Variants in SYCP2 observed in about 807,000 individuals in gnomAD.
SYCP2 encodes the protein synaptonemal complex lateral element protein.
SYCP2 carries 55 observed loss-of-function variants against 211.3 expected under a neutral mutation model. The ratio of observed to expected loss-of-function variants is 0.26; its 90% CI spans 0.21 to 0.33. The LOEUF is 0.33. Ranked by LOEUF, SYCP2 falls within the 10% of genes least tolerant of loss-of-function variation. SYCP2 has a pLI of 1.00. For synonymous variants in SYCP2, 570 were observed against 555.2 expected, an observed-to-expected ratio of 1.03 and a Z score of -0.37; for missense variants, 1,731 against 1,752.0, an observed-to-expected ratio of 0.99 and a Z score of 0.21.
At chr20:59,893,248 C>A (rs752331335) in intron 21 of SYCP2, 49 bp from the exon 22 acceptor site, 28 of 1,273,402 alleles carry the variant, frequency 2.2e-5, no homozygotes, top group Admixed American at 1.8e-5. Context: ...ATGCAGTTGG[C>A]AGGGGGATAG....
rs932859997 is a variant in SYCP2 at position 59,899,119 on chromosome 20, G to A, written c.1404+1019C>T. ...TAAAACAGTGGTGACAAAGTCCTAC[G>A]AGGAGGCTACTGTATTAACCTAAGT... On this transcript the variant is annotated intron_variant, in intron 18 of 44. Coordinates refer to ENST00000357552, the MANE Select transcript of SYCP2 (RefSeq NM_014258.4). 4.6e-5 allele frequency among the ~76,000 whole-genome samples: 7 copies of A among 152,130 alleles called. No homozygotes were observed. The South Asian group carries it at 1.2e-3, about 27-fold the overall frequency.
At chr20:59,927,283 C>T (rs1232317843) in intron 2 of SYCP2, among the ~76,000 whole-genome samples, 1 of 152,088 alleles carries the variant, frequency 6.6e-6, no homozygotes, top group East Asian at 1.9e-4. Context: ...TTAATGTTCC[C>T]TGAGATGTTC....
intron 24 of SYCP2, among the ~76,000 whole-genome samples, chr20:59,889,871 C>T (rs944932764): frequency 1.3e-5 from 2 of 151,806 alleles, no homozygotes; most frequent in African/African-American, 4.8e-5. Flanking sequence ...CATCTAGCAC[C>T]AGTTAGAATG....
chr20:59,873,643 C>T (rs566143308), intron 35 of SYCP2, among the ~76,000 whole-genome samples: 34 of 152,200 alleles, frequency 2.2e-4, no homozygotes, highest in Middle Eastern at 3.4e-3. Flanking sequence ...CCACATTCTT[C>T]CTCCTGTATA....
At chr20:59,917,527 G>A (rs1021607239) in intron 7 of SYCP2, among the ~76,000 whole-genome samples, 3 of 152,174 alleles carry the variant, frequency 2.0e-5, no homozygotes, top group Non-Finnish European at 4.4e-5. Context: ...CTTTACAATT[G>A]CTGGTGCTTT....
At chr20:59,866,629 A>C (rs543000037) in intron 39 of SYCP2, 40 bp from the exon 40 acceptor site, 2 of 1,370,184 alleles carry the variant, frequency 1.5e-6, no homozygotes, top group Non-Finnish European at 2.0e-6. Flanking sequence ...ATCTTTACAA[A>C]ATAACACTCT....
intron 27 of SYCP2, 25 bp from the exon 28 acceptor site, chr20:59,882,027 G>A (rs2059693058): frequency 6.2e-7 from 1 of 1,609,292 alleles, no homozygotes; most frequent in Non-Finnish European, 8.5e-7. Context: ...AGCAATATTA[G>A]CTCCACTTAA....
Position 59,865,844 on chromosome 20 carries a change from G to T in SYCP2, c.4342C>A (p.Gln1448Lys). The T allele has an allele frequency of 1.4e-6, 2 of 1,430,036 alleles. No homozygotes were observed. Among genetic ancestry groups the T allele is most frequent in the Non-Finnish European group, 9.4e-7 (1 of 1,068,512 alleles). The allele number at this position is 1,430,036 out of a possible 1,614,324, so 88.6% of individuals were successfully genotyped here. Residue 1448 changes from glutamine (Q) to lysine (K), a missense_variant, in exon 42 of 45, where the codon CAG (glutamine) becomes AAG (lysine). By Grantham distance (53) the Gln-to-Lys change is moderately conservative. This residue lies in a region of SYCP2 where 1,387 missense variants were observed against 1,351.3 expected (regional missense o/e 1.03). Coordinates refer to ENST00000357552, the MANE Select transcript of SYCP2 (RefSeq NM_014258.4). ...EFVDFWEKIF[Q>K]KFSAYQKSEQ... ...CTTTTTTGATATGCACTGAACTTCT[G>T]AAATATCTTTTCCCAAAAGTCCTAA...
chr20:59,925,363 A>C (rs1009790644), intron 2 of SYCP2, among the ~76,000 whole-genome samples: 4 of 152,092 alleles, frequency 2.6e-5, no homozygotes, highest in Non-Finnish European at 5.9e-5. Context: ...CAGAACTTAA[A>C]ATAACCTATT....
chr20:59,880,321 G>T lies in SYCP2; in HGVS notation c.2923C>A (p.His975Asn), dbSNP rs1360335692. The T allele has an allele frequency of 6.3e-7, 1 of 1,584,670 alleles. No homozygotes were observed. ...TTCTTACTTGATTTTCCACTTTTATGATTCTTCACATTTTTATTTCTGCTA... is the reference window on the plus strand; with the variant it reads ...TTCTTACTTGATTTTCCACTTTTATTATTCTTCACATTTTTATTTCTGCTA... Reference protein sequence around the residue: ...DYSRNKNVKNHKSGKSRSSLE... With the variant: ...DYSRNKNVKNNKSGKSRSSLE... The change falls in exon 31 of 45, where the codon CAT (histidine) becomes AAT (asparagine). Residue 975 changes from histidine to asparagine, a missense_variant. Coordinates refer to ENST00000357552, the MANE Select transcript of SYCP2 (RefSeq NM_014258.4).
intron 39 of SYCP2, 146 bp from the exon 40 acceptor site, chr20:59,866,735 A>G (rs1397093556): frequency 1.6e-6 from 1 of 609,394 alleles, no homozygotes; most frequent in African/African-American, 1.9e-5. Context: ...AGTTATTTAA[A>G]CTGAAGTGTT....
At chr20:59,870,840 A>C (rs1413144608) in intron 35 of SYCP2, among the ~76,000 whole-genome samples, 1 of 151,874 alleles carries the variant, frequency 6.6e-6, no homozygotes, top group Non-Finnish European at 1.5e-5. Context: ...GCCTATGACT[A>C]AATTAAGACT....
chr20:59,867,577 T>C (rs1017584933), intron 39 of SYCP2, 134 bp downstream of exon 39: 32 of 628,302 alleles, frequency 5.1e-5, no homozygotes, highest in Non-Finnish European at 7.9e-5. Context: ...ATTCCAATTA[T>C]TCACATATAA....
rs1004693162 is a variant in SYCP2 at position 59,892,682 on chromosome 20, T to C, written c.1813A>G (p.Asn605Asp). ...CTGTGTATTTTATTTCCACAGATGT[T>C]GTCTAAAACACCAGGTAATCTAGAA... ...DHTILPGVLDNICGNKIHSKW... is the reference protein window; with the variant it reads ...DHTILPGVLDDICGNKIHSKW... The change falls in exon 23 of 45, where the codon AAC becomes GAC. Residue 605 changes from asparagine (N) to aspartate (D), a missense_variant. Coordinates refer to ENST00000357552, the MANE Select transcript of SYCP2 (RefSeq NM_014258.4). 2 of 1,605,136 alleles carry C rather than the reference T, an allele frequency of 1.2e-6. No homozygotes were observed. Among genetic ancestry groups the C allele is most frequent in the South Asian group, 1.1e-5 (1 of 89,424 alleles).
In SYCP2 at chr20:59,865,788, T is replaced by A; in HGVS notation, c.4379+19A>T. On this transcript the variant is annotated intron_variant, in intron 42 of 44. Transcript: ENST00000357552. ...AATCTAATTTTATAGATTATAGCCA[T>A]TAAGAATGTCATACTAACCTCTGTT... is the stretch of plus-strand genomic sequence containing the variant. The A allele has an allele frequency of 7.6e-7, 1 of 1,320,914 alleles. No individual in the cohort carries two copies. Among genetic ancestry groups the A allele is most frequent in the Non-Finnish European group, 1.0e-6 (1 of 994,730 alleles). The allele number at this position is 1,320,914 out of a possible 1,614,324, so 81.8% of individuals were successfully genotyped here.
chr20:59,885,895 T>C (rs369462030), intron 26 of SYCP2, 33 bp downstream of exon 26: 102 of 1,543,436 alleles, frequency 6.6e-5, no homozygotes, highest in Admixed American at 1.3e-4. Context: ...AGTTTGACTA[T>C]AGATTTGGTG....
intron 35 of SYCP2, among the ~76,000 whole-genome samples, chr20:59,872,956 T>C (rs1285543714): frequency 6.6e-6 from 1 of 152,092 alleles, no homozygotes. Context: ...GTTTAACAGG[T>C]AAATGGTAGG....
chr20:59,869,916 GTAA>G lies in SYCP2; in HGVS notation c.3620_3622del (p.Leu1207_Thr1208delinsPro), dbSNP rs1227844294. On this transcript the variant is annotated inframe_deletion, in exon 36 of 45. Coordinates refer to ENST00000357552, the MANE Select transcript of SYCP2 (RefSeq NM_014258.4). Reference sequence around the variant, plus strand: ...GCTGTTACTGTTTTGTGTTTCTTGTGTAAGTACCAGAGAACTTATTTTTTTTCT... The same window carrying G: ...GCTGTTACTGTTTTGTGTTTCTTGTGGTACCAGAGAACTTATTTTTTTTCT... 1.2e-6 allele frequency: 2 copies of G among 1,605,786 alleles called. No homozygotes were observed. The highest frequency in any genetic ancestry group is 2.2e-5 in the South Asian group (2 of 90,754).
At chr20:59,866,166 G>A (rs1465250974) in intron 41 of SYCP2, 127 bp downstream of exon 41, 3 of 557,866 alleles carry the variant, frequency 5.4e-6, no homozygotes, top group East Asian at 3.1e-5. Context: ...AGAAATCTAA[G>A]ATAAAACTAA....
Sources: allele counts gnomAD v4.1 joint callset (sites outside exome capture counted in the v4.1 genomes callset), GRCh38; gene constraint gnomAD v4.1.1; regional missense constraint gnomAD v4.1.1; transcripts MANE v1.5; gene names NCBI Gene and HGNC (gene_info 2026-07-23, HGNC 2026-07-21).